The following NRXN3 variants were observed in gnomAD, a reference collection of about 807,000 sequenced individuals.
The protein encoded by NRXN3 is neurexin III.
In NRXN3, 32 loss-of-function variants were observed where a neutral mutation model predicts 137.6. The observed-to-expected ratio is 0.23, with a 90% confidence interval of 0.18 to 0.31. The LOEUF is 0.31. Ranked by LOEUF, NRXN3 falls within the 10% of genes least tolerant of loss-of-function variation. The pLI is 1.00. For synonymous variants in NRXN3, 798 were observed against 784.5 expected (o/e 1.02, Z -0.29); for missense variants, 1,574 against 2,062.5 (o/e 0.76, Z 4.59).
intron 19 of NRXN3, among the ~76,000 whole-genome samples, chr14:79,768,132 A>G (rs952587681): frequency 6.6e-6 from 1 of 152,164 alleles, no homozygotes; most frequent in African/African-American, 2.4e-5. Context: ...ACGCCCACGG[A>G]GTCTCCCTGA....
intron 4 of NRXN3, among the ~76,000 whole-genome samples, chr14:78,382,793 C>T (rs892592494): frequency 1.3e-5 from 2 of 152,108 alleles, no homozygotes; most frequent in Admixed American, 6.5e-5. Flanking sequence ...TCTAAAGTAA[C>T]AGTACTCAGG....
At chr14:78,831,973 A>C (rs960359348) in intron 10 of NRXN3, among the ~76,000 whole-genome samples, 1 of 152,154 alleles carries the variant, frequency 6.6e-6, no homozygotes, top group Non-Finnish European at 1.5e-5. Context: ...TAATACCAGC[A>C]TGTTTCTCAG....
chr14:79,744,816 A>G (rs1362144250), intron 19 of NRXN3, among the ~76,000 whole-genome samples: 1 of 152,122 alleles, frequency 6.6e-6, no homozygotes, highest in East Asian at 1.9e-4. Context: ...GAAAGTCAGG[A>G]CAAAAGTAGG....
At chr14:78,381,384 A>G (rs1057239972) in intron 4 of NRXN3, among the ~76,000 whole-genome samples, 1 of 152,208 alleles carries the variant, frequency 6.6e-6, no homozygotes, top group African/African-American at 2.4e-5. Context: ...TGCAATATCC[A>G]GCAAAGGATT....
At chr14:79,708,965 T>TTATG (rs2098792252) in intron 19 of NRXN3, among the ~76,000 whole-genome samples, 1 of 151,702 alleles carries the variant, frequency 6.6e-6, no homozygotes, top group Admixed American at 6.6e-5. Flanking sequence ...CCCCATCTTA[T>TTATG]TATGTGTGTG....
Position 79,861,354 on chromosome 14 carries a change from C to A in NRXN3, c.4106C>A (p.Ser1369Tyr). 1 of 1,536,104 alleles carries A rather than the reference C, an allele frequency of 6.5e-7. No individual in the cohort carries two copies. The highest frequency in any genetic ancestry group is 8.7e-7 in the Non-Finnish European group (1 of 1,146,912). Residue 1369 changes from serine to tyrosine, a missense_variant, in exon 21 of 21, where the codon TCC (serine) becomes TAC (tyrosine). Physicochemically the swap from Ser to Tyr is moderately radical, Grantham distance 144. Around this residue, in one of 5 missense-constraint regions of NRXN3, gnomAD observed 320 missense variants for 387.1 expected, o/e 0.83. Coordinates refer to ENST00000335750, the MANE Select transcript of NRXN3 (RefSeq NM_001330195.2). The surrounding 1 kb of genome is among the most constrained non-coding windows in gnomAD (Gnocchi z 5.4). ...TCCTTGGTAACAGATAAGAGTCTTT[C>A]CACTTCAATCTTCGAAGGTGGCTAC... ...ECEPSTDKSL[S>Y]TSIFEGGYKA...
At chr14:79,055,290 C>T (rs1454410243) in intron 15 of NRXN3, among the ~76,000 whole-genome samples, 2 of 152,152 alleles carry the variant, frequency 1.3e-5, no homozygotes, top group South Asian at 2.1e-4. Context: ...TGAACACCTA[C>T]TGTTTGTCAG....
At chr14:78,781,405 G>C (rs1193009880) in intron 8 of NRXN3, among the ~76,000 whole-genome samples, 1 of 152,068 alleles carries the variant, frequency 6.6e-6, no homozygotes, top group Admixed American at 6.6e-5. Context: ...TAAAAACCAG[G>C]TTACAGGTAT....
At chr14:79,750,951 C>G (rs991851007) in intron 19 of NRXN3, among the ~76,000 whole-genome samples, 11 of 152,136 alleles carry the variant, frequency 7.2e-5, no homozygotes, top group Admixed American at 3.9e-4. Context: ...ATGGTATGCT[C>G]TCTGAATTGA....
intron 16 of NRXN3, among the ~76,000 whole-genome samples, chr14:79,492,911 A>G (rs901254456): frequency 6.6e-6 from 1 of 152,304 alleles, no homozygotes; most frequent in Non-Finnish European, 1.5e-5. Context: ...AATGTTGGAG[A>G]TTCATTGGCT....
chr14:79,634,054 C>T (rs2098383517), intron 16 of NRXN3, among the ~76,000 whole-genome samples: 1 of 152,128 alleles, frequency 6.6e-6, no homozygotes, highest in African/African-American at 2.4e-5. Flanking sequence ...TTGCTATCCT[C>T]ACGAAAGAGT....
chr14:78,231,661 T>C (rs968749309), intron 1 of NRXN3: 2 of 152,218 alleles, frequency 1.3e-5, no homozygotes, highest in African/African-American at 4.8e-5. Flanking sequence ...TATTAGCATA[T>C]GACTTTGGAA....
At chr14:79,174,516 T>TAC (rs1230552832) in intron 15 of NRXN3, among the ~76,000 whole-genome samples, 1 of 148,722 alleles carries the variant, frequency 6.7e-6, no homozygotes, top group African/African-American at 2.4e-5. Context: ...TATATATATA[T>TAC]ATACACACAC....
In NRXN3 at chr14:78,630,558, C is replaced by T. The variant is rs77344776; in HGVS notation, c.758-14562C>T. On this transcript the variant is annotated intron_variant, in intron 4 of 20. Coordinates refer to ENST00000335750, the MANE Select transcript of NRXN3 (RefSeq NM_001330195.2). ...CAGTGCATAAATTTAGCTTTTACTA[C>T]AAATGTACTACACTCTTCTTATTTT... Among the ~76,000 whole-genome samples, 17 of 151,114 alleles carry T rather than the reference C, an allele frequency of 1.1e-4. No individual in the cohort carries two copies. The East Asian group carries it at 3.1e-3, about 28-fold the overall frequency.
intron 16 of NRXN3, among the ~76,000 whole-genome samples, chr14:79,516,916 G>A (rs1402552534): frequency 6.6e-6 from 1 of 152,056 alleles, no homozygotes; most frequent in East Asian, 1.9e-4. Flanking sequence ...ACTGTTTGCA[G>A]TTACAAATAA....
intron 6 of NRXN3, among the ~76,000 whole-genome samples, chr14:78,666,370 A>G (rs1355858089): frequency 6.6e-6 from 1 of 152,170 alleles, no homozygotes; most frequent in Non-Finnish European, 1.5e-5. Context: ...GGTAGGGAAA[A>G]AGCCAAAACA....
chr14:79,465,548 A>C (rs1383853733), intron 15 of NRXN3, among the ~76,000 whole-genome samples: 1 of 152,246 alleles, frequency 6.6e-6, no homozygotes, highest in East Asian at 1.9e-4. Context: ...AGGAAGGATG[A>C]CATATGACAC....
chr14:78,866,794 CTTTTT>C (rs1208179961), intron 10 of NRXN3, among the ~76,000 whole-genome samples: 1 of 119,116 alleles, frequency 8.4e-6, no homozygotes, highest in African/African-American at 3.4e-5. Flanking sequence ...TTACCTTCAT[CTTTTT>C]TTTTTTTTTT....
intron 4 of NRXN3, among the ~76,000 whole-genome samples, chr14:78,533,384 C>T (rs761029284): frequency 3.9e-5 from 6 of 152,136 alleles, no homozygotes; most frequent in Non-Finnish European, 8.8e-5. Context: ...CCTCCTGTAT[C>T]ACTAGTGTAC....
Sources: allele counts gnomAD v4.1 joint callset (sites outside exome capture counted in the v4.1 genomes callset), GRCh38; gene constraint gnomAD v4.1.1; regional missense constraint gnomAD v4.1.1; non-coding constraint Gnocchi (gnomAD v3.1); transcripts MANE v1.5; gene names NCBI Gene and HGNC (gene_info 2026-07-23, HGNC 2026-07-21).